Variants in ZNF705A observed in about 807,000 individuals in gnomAD.
ZNF705A encodes the protein zinc finger protein 705A.
Under a neutral mutation model 16.6 loss-of-function variants are expected in ZNF705A, and 8 were observed. The ratio of observed to expected loss-of-function variants is 0.48; its 90% CI spans 0.28 to 0.87. The LOEUF (loss-of-function observed/expected upper bound fraction) is 0.87. Among genes scored for constraint, ZNF705A ranks in the 40% least tolerant of loss-of-function variants. ZNF705A has a pLI of 0.10. For missense variants in ZNF705A, 233 were observed against 359.9 expected (o/e 0.65, Z 2.85); for synonymous variants, 73 against 117.3 (o/e 0.62, Z 2.44).
intron 1 of ZNF705A, among the ~76,000 whole-genome samples, chr12:8,157,591 G>T (rs1207191858): frequency 6.6e-6 from 1 of 152,136 alleles, no homozygotes; most frequent in Admixed American, 6.6e-5. Context: ...TAGGAAACAT[G>T]TTGGACTTGT....
intron 1 of ZNF705A, among the ~76,000 whole-genome samples, chr12:8,167,469 AT>A (rs201178854): frequency 2.0e-5 from 3 of 152,046 alleles, no homozygotes; most frequent in East Asian, 1.9e-4. Context: ...AGGTTTATTA[AT>A]TTTTTTTCAT....
exon 5 of ZNF705A, chr12:8,177,099 G>C (rs766300632): frequency 6.2e-7 from 1 of 1,611,964 alleles, no homozygotes; most frequent in East Asian, 2.2e-5. Flanking sequence ...ACTCACAGTG[G>C]AAAGAAACCC....
chr12:8,169,614 A>T (rs775813390), upstream of ZNF705A, among the ~76,000 whole-genome samples: 17 of 152,354 alleles, frequency 1.1e-4, no homozygotes, highest in South Asian at 2.9e-3. Context: ...AATCTACTAA[A>T]TAATAGCACT....
exon 5 of ZNF705A, chr12:8,177,639 C>A (rs371291416): frequency 6.3e-7 from 1 of 1,593,252 alleles, no homozygotes. Context: ...TGTGGGAAAG[C>A]CTTCAGTCAA....
At chr12:8,170,257 T>C (rs1165380385), upstream of ZNF705A, among the ~76,000 whole-genome samples, 3 of 150,890 alleles carry the variant, frequency 2.0e-5, no homozygotes, top group Admixed American at 1.3e-4. Flanking sequence ...GGCTCTCATC[T>C]TGAAGTCACC....
At chr12:8,161,639 G>T (rs949884426) in intron 1 of ZNF705A, among the ~76,000 whole-genome samples, 2 of 152,060 alleles carry the variant, frequency 1.3e-5, no homozygotes, top group Non-Finnish European at 2.9e-5. Flanking sequence ...AATATCTCCT[G>T]TTCCAATTAC....
At chr12:8,173,286 AC>A (rs543984264) in intron 1 of ZNF705A, among the ~76,000 whole-genome samples, 2 of 152,240 alleles carry the variant, frequency 1.3e-5, no homozygotes, top group African/African-American at 2.4e-5. Context: ...TTGGTAATTA[AC>A]CTTTTTGCCT....
At chr12:8,164,804 A>C (rs183976812) in intron 1 of ZNF705A, among the ~76,000 whole-genome samples, 5 of 152,300 alleles carry the variant, frequency 3.3e-5, no homozygotes, top group Admixed American at 2.6e-4. Context: ...ATATGTGTGC[A>C]TGTATCTTTA....
chr12:8,160,039 T>A (rs983650416), intron 1 of ZNF705A, among the ~76,000 whole-genome samples: 3 of 152,192 alleles, frequency 2.0e-5, no homozygotes, highest in African/African-American at 7.2e-5. Context: ...TTCTCCTACA[T>A]GTGGCTAGCC....
chr12:8,160,300 T>C (rs2120696219), intron 1 of ZNF705A, among the ~76,000 whole-genome samples: 1 of 152,268 alleles, frequency 6.6e-6, no homozygotes, highest in African/African-American at 2.4e-5. Context: ...TTGCTTTAAC[T>C]ATGCAGGCTC....
At chr12:8,177,532 T>A in exon 5 of ZNF705A, 1 of 1,609,572 alleles carries the variant, frequency 6.2e-7, no homozygotes, top group South Asian at 1.1e-5. Context: ...AGAAACCACA[T>A]GCTTGTCTTC....
At chr12:8,170,823 G>C (rs1779319582), upstream of ZNF705A, among the ~76,000 whole-genome samples, 1 of 152,168 alleles carries the variant, frequency 6.6e-6, no homozygotes, top group Non-Finnish European at 1.5e-5. Flanking sequence ...GTAGAAAATA[G>C]TCCAAGGAAT....
At chr12:8,172,704 C>T (rs1948454754) in intron 1 of ZNF705A, 67 bp downstream of exon 2, 1 of 1,580,310 alleles carries the variant, frequency 6.3e-7, no homozygotes, top group Non-Finnish European at 8.6e-7. Context: ...CATTTTTCTC[C>T]AATTTGCATG....
At chr12:8,162,659 G>A (rs7310448) in intron 1 of ZNF705A, among the ~76,000 whole-genome samples, 84,941 of 151,924 alleles carry the variant, frequency 0.56, 25,216 homozygotes, top group African/African-American at 0.77. Context: ...CTTCTCCCAC[G>A]GAGAGCAAGA....
At chr12:8,170,677 G>A (rs1220039869), upstream of ZNF705A, among the ~76,000 whole-genome samples, 1 of 152,100 alleles carries the variant, frequency 6.6e-6, no homozygotes, top group Non-Finnish European at 1.5e-5. Flanking sequence ...AAGCTTTGTA[G>A]GCCTTCTCTA....
At chr12:8,172,736 T>C in intron 1 of ZNF705A, 99 bp downstream of exon 2, 1 of 1,543,316 alleles carries the variant, frequency 6.5e-7, no homozygotes, top group Non-Finnish European at 8.8e-7. Flanking sequence ...TTTATTCTTT[T>C]CTGTTTGTTT....
At chr12:8,169,602 AG>A (rs1948428291), upstream of ZNF705A, among the ~76,000 whole-genome samples, 1 of 152,228 alleles carries the variant, frequency 6.6e-6, no homozygotes, top group African/African-American at 2.4e-5. Context: ...GAGAAGTGAG[AG>A]AATCTACTAA....
chr12:8,162,334 A>G (rs939766655), intron 1 of ZNF705A, among the ~76,000 whole-genome samples: 1 of 152,194 alleles, frequency 6.6e-6, no homozygotes, highest in African/African-American at 2.4e-5. Context: ...AAAACCAGAA[A>G]GGGACTATTT....
upstream of ZNF705A, among the ~76,000 whole-genome samples, chr12:8,168,473 T>C (rs1353518671): frequency 2.6e-5 from 4 of 152,262 alleles, no homozygotes; most frequent in Non-Finnish European, 4.4e-5. Flanking sequence ...CTGTGTTCAT[T>C]ATTTGTGTGC....
Sources: gnomAD v4.1 joint callset for allele counts (sites outside exome capture counted in the v4.1 genomes callset) on GRCh38, gnomAD v4.1.1 for gene constraint, MANE v1.5 for transcripts, NCBI Gene and HGNC (gene_info 2026-07-23, HGNC 2026-07-21) for gene names.